CDH12: variants seen among roughly 807,000 people sequenced by gnomAD.
The protein encoded by CDH12 is cadherin 12.
Under a neutral mutation model 74.1 loss-of-function variants are expected in CDH12, and 41 were observed. The ratio of observed to expected loss-of-function variants is 0.55; its 90% confidence interval spans 0.43 to 0.72. CDH12 has a LOEUF of 0.72. Ranked by LOEUF, CDH12 falls within the 30% of genes least tolerant of loss-of-function variation. The pLI is 0.00. For missense variants in CDH12, 945 were observed against 977.2 expected (o/e 0.97, Z 0.44); for synonymous variants, 399 against 355.0 (o/e 1.12, Z -1.39).
intron 1 of CDH12, among the ~76,000 whole-genome samples, chr5:22,519,675 G>A (rs201276003): frequency 7.2e-5 from 11 of 152,016 alleles, no homozygotes; most frequent in East Asian, 3.9e-4. Flanking sequence ...TGCTCACCTC[G>A]GTCAAATTAT....
At position 22,837,392 on chromosome 5, in the gene CDH12, G is replaced by T. The variant is rs189362038; in HGVS notation, c.-523+15666C>A. On this transcript the variant is annotated intron_variant, in intron 1 of 14. Transcript: ENST00000382254. ...CAGTACACTTCAGCCTGGGCAACAG[G>T]GCAAGATGCTGTCTCAAAAATAAAA... Among the ~76,000 whole-genome samples the T allele has an allele frequency of 4.6e-3, 705 of 151,708 alleles. 9 individuals carry two copies. Among genetic ancestry groups the T allele is most frequent in the African/African-American group, 0.016 (672 of 41,348 alleles).
intron 8 of CDH12, among the ~76,000 whole-genome samples, chr5:21,824,697 T>C (rs1356872096): frequency 6.6e-6 from 1 of 152,182 alleles, no homozygotes; most frequent in East Asian, 1.9e-4. Context: ...TTGTTTGTCT[T>C]AGCTAAATGG....
At chr5:22,782,324 C>T (rs865917236) in intron 1 of CDH12, among the ~76,000 whole-genome samples, 3 of 152,024 alleles carry the variant, frequency 2.0e-5, no homozygotes, top group Non-Finnish European at 2.9e-5. Flanking sequence ...AGGTAGGACC[C>T]GGTGGGAAGT....
In CDH12 at chr5:22,035,364, T is replaced by G. The variant is rs79471109; in HGVS notation, c.231+43082A>C. On this transcript the variant is annotated intron_variant, in intron 5 of 14. Transcript: ENST00000382254. ...ATTAGGTGCAGTGGCCTTGGGTAGT[T>G]AAGTTAATTTCTCTGGCCTGTGTAT... Among the ~76,000 whole-genome samples, 1,166 of 151,540 alleles carry G rather than the reference T, an allele frequency of 7.7e-3. 17 individuals carry two copies. The highest frequency in any genetic ancestry group is 0.027 in the African/African-American group (1,120 of 40,924).
At chr5:22,763,624 G>A (rs1446896549) in intron 1 of CDH12, among the ~76,000 whole-genome samples, 1 of 151,860 alleles carries the variant, frequency 6.6e-6, no homozygotes, top group Non-Finnish European at 1.5e-5. Context: ...GACTTGTTTA[G>A]CCTTTTGGTT....
At chr5:21,936,328 C>A (rs2150085693) in intron 6 of CDH12, among the ~76,000 whole-genome samples, 1 of 152,244 alleles carries the variant, frequency 6.6e-6, no homozygotes, top group African/African-American at 2.4e-5. Flanking sequence ...TTTCTTAATT[C>A]CTTGATGAAA....
At chr5:22,174,392 T>C (rs1580357910) in intron 4 of CDH12, among the ~76,000 whole-genome samples, 2 of 152,004 alleles carry the variant, frequency 1.3e-5, no homozygotes, top group Non-Finnish European at 1.5e-5. Flanking sequence ...ATGTCCCTAA[T>C]AGTTTGTCAA....
intron 6 of CDH12, among the ~76,000 whole-genome samples, chr5:21,965,478 CA>C (rs1158852187): frequency 6.6e-6 from 1 of 152,052 alleles, no homozygotes; most frequent in Admixed American, 6.6e-5. Context: ...GCAAAATTAA[CA>C]TGGTTGACAG....
intron 3 of CDH12, among the ~76,000 whole-genome samples, chr5:22,234,652 T>G (rs1257764968): frequency 3.3e-5 from 5 of 151,704 alleles, no homozygotes; most frequent in African/African-American, 1.2e-4. Context: ...TCCATATATC[T>G]ATTTTCTATG....
intron 6 of CDH12, among the ~76,000 whole-genome samples, chr5:21,940,853 C>T (rs1179826176): frequency 6.6e-6 from 1 of 152,034 alleles, no homozygotes; most frequent in Non-Finnish European, 1.5e-5. Flanking sequence ...CTCTCTCTCT[C>T]TCTCTCACAC....
intron 1 of CDH12, among the ~76,000 whole-genome samples, chr5:22,852,402 A>C (rs1396881858): frequency 6.6e-6 from 1 of 152,216 alleles, no homozygotes; most frequent in Non-Finnish European, 1.5e-5. Flanking sequence ...CCTCCTTGTT[A>C]AATGTATCAC....
At chr5:22,825,268 T>G (rs1173954966) in intron 1 of CDH12, among the ~76,000 whole-genome samples, 1 of 151,316 alleles carries the variant, frequency 6.6e-6, no homozygotes, top group Non-Finnish European at 1.5e-5. Flanking sequence ...ATATATATAC[T>G]TACACATATA....
chr5:22,067,653 G>T (rs1353341225), intron 5 of CDH12, among the ~76,000 whole-genome samples: 1 of 152,098 alleles, frequency 6.6e-6, no homozygotes, highest in Non-Finnish European at 1.5e-5. Context: ...TGGCATCTTT[G>T]GTTGGTCTCA....
intron 1 of CDH12, among the ~76,000 whole-genome samples, chr5:22,512,094 A>T (rs1736637252): frequency 6.6e-6 from 1 of 152,136 alleles, no homozygotes; most frequent in African/African-American, 2.4e-5. Flanking sequence ...GGGAACAATC[A>T]CAAAATCACG....
chr5:22,783,430 G>A (rs1223994480), intron 1 of CDH12, among the ~76,000 whole-genome samples: 1 of 152,074 alleles, frequency 6.6e-6, no homozygotes, highest in Non-Finnish European at 1.5e-5. Flanking sequence ...AGAAAATGGA[G>A]TTAGAATAGA....
intron 4 of CDH12, among the ~76,000 whole-genome samples, chr5:22,110,830 G>T (rs149522497): frequency 6.6e-6 from 1 of 152,058 alleles, no homozygotes; most frequent in Non-Finnish European, 1.5e-5. Flanking sequence ...TACAAAGGCG[G>T]TTCAGTTTTG....
chr5:22,217,324 TTAATG>T, intron 3 of CDH12, among the ~76,000 whole-genome samples: 1 of 151,798 alleles, frequency 6.6e-6, no homozygotes, highest in Non-Finnish European at 1.5e-5. Context: ...ATCAGTAAAA[TTAATG>T]TAAAGGTAAC....
chr5:22,363,801 A>T (rs1036168045), intron 3 of CDH12, among the ~76,000 whole-genome samples: 12 of 152,352 alleles, frequency 7.9e-5, no homozygotes, highest in African/African-American at 2.6e-4. Context: ...AATGGGAGGC[A>T]ATGCCTGCAT....
At chr5:22,356,130 T>G (rs1012673860) in intron 3 of CDH12, among the ~76,000 whole-genome samples, 1 of 152,148 alleles carries the variant, frequency 6.6e-6, no homozygotes, top group African/African-American at 2.4e-5. Flanking sequence ...AACAAGAGCC[T>G]TTTTCAAAAA....
Sources: allele counts gnomAD v4.1 joint callset (sites outside exome capture counted in the v4.1 genomes callset), GRCh38; gene constraint gnomAD v4.1.1; transcripts MANE v1.5; gene names NCBI Gene and HGNC (gene_info 2026-07-23, HGNC 2026-07-21).